The following C4orf51 variants were observed in gnomAD, a reference collection of about 807,000 sequenced individuals.
C4orf51 encodes the protein uncharacterized protein C4orf51.
C4orf51 carries 25 observed loss-of-function variants against 25.2 expected under a neutral mutation model. The observed-to-expected ratio is 0.99, with a 90% CI of 0.72 to 1.39. The LOEUF is 1.39. Ranked by LOEUF, C4orf51 falls within the 40% of genes most tolerant of loss-of-function variation. C4orf51 has a pLI of 0.00. For synonymous variants in C4orf51, 100 were observed against 84.5 expected (o/e 1.18, Z -1.01); for missense variants, 252 against 239.6 (o/e 1.05, Z -0.34).
At chr4:145,771,093 G>A (rs2126914818), downstream of C4orf51, 1 of 152,212 alleles carries the variant, frequency 6.6e-6, no homozygotes, top group South Asian at 2.1e-4. Flanking sequence ...CATATCCTTT[G>A]CTAATTCTTC....
rs572234935 is a variant in C4orf51, at chr4:145,765,723, G to T, written n.167-5265G>T. The T allele has an allele frequency of 1.7e-5, 28 of 1,613,592 alleles. No homozygotes were observed. The South Asian group carries it at 2.6e-4, about 15-fold the overall frequency. ...AGAGGGGCTATTTGATTCGCTGGGG[G>T]TCTTCCTGTCTTCCCCTGAAAAATA... On this transcript the variant is annotated intron_variant and non_coding_transcript_variant, in intron 1 of 1. Transcript: ENST00000510096. The surrounding 1 kb of genome is among the most constrained non-coding windows in gnomAD (Gnocchi z 4.7).
At chr4:145,695,821 C>T (rs1730011066) in intron 1 of C4orf51, among the ~76,000 whole-genome samples, 1 of 152,158 alleles carries the variant, frequency 6.6e-6, no homozygotes. Context: ...TCATGAAATA[C>T]TATGCAGTCA....
At chr4:145,723,449 T>C (rs1456268544) in intron 2 of C4orf51, among the ~76,000 whole-genome samples, 1 of 151,796 alleles carries the variant, frequency 6.6e-6, no homozygotes, top group Non-Finnish European at 1.5e-5. Context: ...AGGTTGACAG[T>C]TGTACTATGA....
chr4:145,764,868 C>G (rs1469650388), intron 1 of C4orf51: 2 of 1,410,452 alleles, frequency 1.4e-6, no homozygotes, highest in Admixed American at 3.5e-5. Flanking sequence ...ACTAACTCCT[C>G]TCATACCAAG....
At chr4:145,722,758 C>T (rs1413234828) in intron 2 of C4orf51, among the ~76,000 whole-genome samples, 2 of 152,184 alleles carry the variant, frequency 1.3e-5, no homozygotes, top group Admixed American at 6.5e-5. Flanking sequence ...GCTTCATCTG[C>T]ATTTATGGCC....
At chr4:145,704,819 G>C (rs1257018996) in intron 2 of C4orf51, among the ~76,000 whole-genome samples, 1 of 152,204 alleles carries the variant, frequency 6.6e-6, no homozygotes, top group Non-Finnish European at 1.5e-5. Context: ...GCAAGTTTCA[G>C]AGCAGGAGTG....
chr4:145,745,361 T>C (rs1241468902), intron 1 of C4orf51, among the ~76,000 whole-genome samples: 1 of 143,192 alleles, frequency 7.0e-6, no homozygotes, highest in African/African-American at 2.6e-5. Flanking sequence ...CATTCCCACT[T>C]CCCCCTAACC....
At chr4:145,760,811 G>A (rs1198831057) in intron 1 of C4orf51, 2 of 1,188,662 alleles carry the variant, frequency 1.7e-6, no homozygotes, top group African/African-American at 3.2e-5. Context: ...CTCAGTCCGA[G>A]ATAGGCCAGG....
downstream of C4orf51, chr4:145,774,491 G>A: frequency 6.2e-7 from 1 of 1,605,370 alleles, no homozygotes; most frequent in Non-Finnish European, 8.5e-7. Context: ...GAGAAGGACA[G>A]ACAGGAATGG....
At chr4:145,693,988 G>C (rs1431393742) in intron 1 of C4orf51, among the ~76,000 whole-genome samples, 2 of 133,922 alleles carry the variant, frequency 1.5e-5, no homozygotes, top group Admixed American at 7.2e-5. Context: ...CCTCTCAGAC[G>C]GGGCAGCTGC....
At chr4:145,721,150 G>A (rs1328940085) in intron 2 of C4orf51, among the ~76,000 whole-genome samples, 1 of 151,782 alleles carries the variant, frequency 6.6e-6, no homozygotes, top group Non-Finnish European at 1.5e-5. Context: ...TTTGAGACCA[G>A]CCTGGCCAAT....
At chr4:145,770,197 G>A (rs1202737837) in intron 1 of C4orf51, among the ~76,000 whole-genome samples, 1 of 152,120 alleles carries the variant, frequency 6.6e-6, no homozygotes, top group Non-Finnish European at 1.5e-5. Flanking sequence ...TACTCAGGGG[G>A]CTGAGACACG....
chr4:145,749,492 C>A (rs1386371799), intron 1 of C4orf51, among the ~76,000 whole-genome samples: 2 of 150,578 alleles, frequency 1.3e-5, no homozygotes, highest in Non-Finnish European at 3.0e-5. Flanking sequence ...CTTTTTTTTT[C>A]ATTCCTGTCT....
At chr4:145,684,071 G>A (rs765460018) in intron 1 of C4orf51, among the ~76,000 whole-genome samples, 2 of 151,976 alleles carry the variant, frequency 1.3e-5, no homozygotes, top group Non-Finnish European at 2.9e-5. Flanking sequence ...AACTGTTATC[G>A]AAAATATACA....
At chr4:145,751,636 G>T (rs913667884) in intron 1 of C4orf51, among the ~76,000 whole-genome samples, 2 of 152,166 alleles carry the variant, frequency 1.3e-5, no homozygotes, top group African/African-American at 4.8e-5. Flanking sequence ...CTACTGCCTG[G>T]CTCTACTTAT....
chr4:145,693,209 T>C (rs1240574380), intron 1 of C4orf51, among the ~76,000 whole-genome samples: 2 of 149,688 alleles, frequency 1.3e-5, no homozygotes, highest in East Asian at 2.0e-4. Flanking sequence ...CCCTGATTAC[T>C]TGAGATTAGG....
downstream of C4orf51, among the ~76,000 whole-genome samples, chr4:145,754,818 C>T (rs1299927418): frequency 1.3e-5 from 2 of 152,132 alleles, no homozygotes; most frequent in Non-Finnish European, 2.9e-5. Flanking sequence ...CATCTGTAAT[C>T]CCAGCTACTC....
chr4:145,766,605 G>A (rs562093718), intron 1 of C4orf51, among the ~76,000 whole-genome samples: 4 of 152,334 alleles, frequency 2.6e-5, no homozygotes, highest in African/African-American at 9.6e-5. Context: ...TATCAGAGAG[G>A]AAGGGGCAGC....
At chr4:145,686,722 C>T (rs896875966) in intron 1 of C4orf51, among the ~76,000 whole-genome samples, 1 of 152,152 alleles carries the variant, frequency 6.6e-6, no homozygotes, top group Admixed American at 6.5e-5. Context: ...TCCTTGAGAG[C>T]AATGCTGGTT....
Sources: allele counts gnomAD v4.1 joint callset (sites outside exome capture counted in the v4.1 genomes callset), GRCh38; gene constraint gnomAD v4.1.1; non-coding constraint Gnocchi (gnomAD v3.1); transcripts MANE v1.5; gene names NCBI Gene and HGNC (gene_info 2026-07-23, HGNC 2026-07-21).